SVIL: variants seen among roughly 807,000 people sequenced by gnomAD.
SVIL encodes archvillin.
A neutral mutation model predicts 240.4 loss-of-function variants in SVIL; 101 were observed. The ratio of observed to expected loss-of-function variants is 0.42; its 90% CI spans 0.36 to 0.50. The LOEUF (loss-of-function observed/expected upper bound fraction) is 0.50. SVIL is among the 20% of genes least tolerant of loss of function. SVIL has a pLI of 0.01. For synonymous variants in SVIL, 999 were observed against 1,100.0 expected (o/e 0.91, Z 1.82); for missense variants, 2,512 against 2,818.7 (o/e 0.89, Z 2.46).
chr10:29,550,965 A>C lies in SVIL; in HGVS notation c.459T>G (p.Ser153Arg), dbSNP rs1314696095. Residue 153 changes from serine to arginine, a missense_variant, in exon 6 of 38, where the codon AGT becomes AGG. Transcript: ENST00000355867. ...CTCTGCTTGACTCTTCCTGTTTGTC[A>C]CTTTTTCCTCCCCGCTTCTCGACAG... is the stretch of plus-strand genomic sequence containing the variant. ...PDAVEKRGGK[S>R]DKQEESSRDA... 2 of 1,613,762 alleles carry C rather than the reference A, an allele frequency of 1.2e-6. No individual in the cohort carries two copies. Among genetic ancestry groups the C allele is most frequent in the African/African-American group, 2.7e-5 (2 of 74,798 alleles).
At chr10:29,515,910 T>C (rs1950168859) in intron 16 of SVIL, among the ~76,000 whole-genome samples, 1 of 152,170 alleles carries the variant, frequency 6.6e-6, no homozygotes, top group Non-Finnish European at 1.5e-5. Context: ...TCTTATACTC[T>C]GCTGATCTGC....
At chr10:29,560,221 A>G (rs1954330946) in intron 3 of SVIL, among the ~76,000 whole-genome samples, 1 of 152,218 alleles carries the variant, frequency 6.6e-6, no homozygotes, top group Admixed American at 6.5e-5. Flanking sequence ...CCAAGCAATT[A>G]CAAACTAGAG....
intron 1 of SVIL, among the ~76,000 whole-genome samples, chr10:29,629,526 G>C (rs766770692): frequency 3.3e-5 from 5 of 152,072 alleles, no homozygotes; most frequent in Non-Finnish European, 5.9e-5. Flanking sequence ...CTAAAGCAGC[G>C]GTTATGAATA....
In SVIL at chr10:29,499,925, A is replaced by G. The variant is rs528034992; in HGVS notation, c.3517-662T>C. Among the ~76,000 whole-genome samples the G allele has an allele frequency of 1.8e-3, 269 of 152,344 alleles. 12 individuals carry two copies. In the South Asian group the frequency reaches 0.054, roughly 31 times the overall value. On this transcript the variant is annotated intron_variant, in intron 17 of 37. Transcript: ENST00000355867. ...AACCTACATGCACGGTAACATTTCTACTGAAAATGCTCTCAGCAGTTTCTA... is the reference window on the plus strand; with the variant it reads ...AACCTACATGCACGGTAACATTTCTGCTGAAAATGCTCTCAGCAGTTTCTA...
At chr10:29,480,456 G>A in intron 29 of SVIL, 81 bp downstream of exon 29, 1 of 1,551,428 alleles carries the variant, frequency 6.4e-7, no homozygotes, top group South Asian at 1.2e-5. Context: ...GGGCATGACA[G>A]GGTTCATTGG....
At chr10:29,599,450 C>G (rs1956729965) in intron 1 of SVIL, among the ~76,000 whole-genome samples, 1 of 151,148 alleles carries the variant, frequency 6.6e-6, no homozygotes, top group Non-Finnish European at 1.5e-5. Context: ...GAGTCTCGCT[C>G]TCTCGCCCAG....
At chr10:29,555,333 CACACACACACAT>C (rs1341527598) in intron 3 of SVIL, among the ~76,000 whole-genome samples, 2 of 138,082 alleles carry the variant, frequency 1.4e-5, no homozygotes, top group South Asian at 2.5e-4. Context: ...CACACACACA[CACACACACACAT>C]GGACACACCC....
chr10:29,670,970 C>A (rs758987417), intron 2 of SVIL: 1 of 152,174 alleles, frequency 6.6e-6, no homozygotes, highest in Non-Finnish European at 1.5e-5. Context: ...TCTTTTCCTC[C>A]TCTTTCCTCC....
intron 1 of SVIL, among the ~76,000 whole-genome samples, chr10:29,707,991 C>G (rs1963010701): frequency 6.6e-6 from 1 of 152,176 alleles, no homozygotes. Flanking sequence ...TGCGCGGTGG[C>G]TCACGCCTGT....
chr10:29,488,830 T>G, intron 22 of SVIL, 74 bp from the exon 23 acceptor site: 1 of 1,488,046 alleles, frequency 6.7e-7, no homozygotes, highest in Non-Finnish European at 9.0e-7. Flanking sequence ...CAGAAATTAT[T>G]CATAACTGAC....
At chr10:29,600,296 A>C (rs2505897) in intron 1 of SVIL, among the ~76,000 whole-genome samples, 96,157 of 152,048 alleles carry the variant, frequency 0.63, 31,057 homozygotes, top group African/African-American at 0.73. Flanking sequence ...CACAAAGGGG[A>C]AGGTTGGAGG....
chr10:29,667,856 CAA>C (rs11288258), intron 2 of SVIL, among the ~76,000 whole-genome samples: 5,618 of 129,982 alleles, frequency 0.043, 309 homozygotes, highest in African/African-American at 0.14. Context: ...CCCTGTCTCT[CAA>C]AAAAAAAAAA....
rs1315905590 is a variant in SVIL, at chr10:29,494,955, A to G, written c.3800T>C (p.Leu1267Ser). 1 of 1,614,046 alleles carries G rather than the reference A, an allele frequency of 6.2e-7. No individual in the cohort carries two copies. The highest frequency in any genetic ancestry group is 8.5e-7 in the Non-Finnish European group (1 of 1,180,014). ...TCTTAGAAAGGTTTCCAGCCTGTCCAACTTCAGGTCCGATTCTAACTGCAT... is the reference window on the plus strand; with the variant it reads ...TCTTAGAAAGGTTTCCAGCCTGTCCGACTTCAGGTCCGATTCTAACTGCAT... ...PDMQLESDLK[L>S]DRLETFLRRL... is the part of the protein sequence containing the mutation. The change falls in exon 20 of 38, where the codon TTG (leucine) becomes TCG (serine). Residue 1267 changes from leucine to serine, a missense_variant. By Grantham distance (145) the Leu-to-Ser change is moderately radical. Transcript: ENST00000355867.
chr10:29,650,747 G>A (rs1958808411), intron 3 of SVIL, among the ~76,000 whole-genome samples: 1 of 152,072 alleles, frequency 6.6e-6, no homozygotes. Context: ...GTCAGGAGTT[G>A]GAGAACAACT....
At chr10:29,701,347 C>T (rs536721262) in intron 1 of SVIL, among the ~76,000 whole-genome samples, 1,428 of 117,880 alleles carry the variant, frequency 0.012, 8 homozygotes, top group Middle Eastern at 0.057. Flanking sequence ...AGGCCAATAC[C>T]CAAAAAACTC....
intron 1 of SVIL, among the ~76,000 whole-genome samples, chr10:29,592,174 C>T (rs1008532844): frequency 2.2e-4 from 33 of 152,140 alleles, no homozygotes; most frequent in Admixed American, 1.5e-3. Context: ...ATTGCTTGAA[C>T]CTGGGAGGCG....
At chr10:29,707,741 C>T (rs970994157) in intron 1 of SVIL, among the ~76,000 whole-genome samples, 1 of 152,074 alleles carries the variant, frequency 6.6e-6, no homozygotes, top group African/African-American at 2.4e-5. Flanking sequence ...ATAGCTGAAG[C>T]TATCTTTAAA....
chr10:29,675,166 C>T (rs1354561309), intron 2 of SVIL, among the ~76,000 whole-genome samples: 2 of 152,198 alleles, frequency 1.3e-5, no homozygotes, highest in Admixed American at 6.5e-5. Flanking sequence ...AGTCCACATG[C>T]ATGACCCCAG....
At chr10:29,665,919 T>C (rs1959247804) in intron 2 of SVIL, among the ~76,000 whole-genome samples, 1 of 152,170 alleles carries the variant, frequency 6.6e-6, no homozygotes, top group Admixed American at 6.5e-5. Context: ...TCAACCCCCA[T>C]AACGGGGGAA....
Sources: gnomAD v4.1 joint callset for allele counts (sites outside exome capture counted in the v4.1 genomes callset) on GRCh38, gnomAD v4.1.1 for gene constraint, MANE v1.5 for transcripts, NCBI Gene and HGNC (gene_info 2026-07-23, HGNC 2026-07-21) for gene names.